The following DMD variants were observed in gnomAD, a reference collection of about 807,000 sequenced individuals.
The protein encoded by DMD is dystrophin.
In DMD, 63 loss-of-function variants were observed where a neutral mutation model predicts 330.1. The observed-to-expected ratio is 0.19, with a 90% CI of 0.16 to 0.24. The LOEUF is 0.24. Ranked by LOEUF, DMD falls within the 10% of genes least tolerant of loss-of-function variation. The pLI is 1.00. For missense variants in DMD, 3,344 were observed against 2,684.1 expected (o/e 1.25, Z -5.43); for synonymous variants, 1,223 against 959.8 (o/e 1.27, Z -5.07).
chrX:32,137,418 C>T (rs1472032613), intron 44 of DMD, among the ~76,000 whole-genome samples: 2 of 111,697 alleles, frequency 1.8e-5, no homozygotes, highest in Non-Finnish European at 3.8e-5. Context: ...GCCAGTACAA[C>T]CTCTGCAAAG....
intron 42 of DMD, among the ~76,000 whole-genome samples, chrX:32,306,104 T>G (rs1447806847): frequency 1.8e-5 from 2 of 110,113 alleles, no homozygotes; most frequent in Admixed American, 9.8e-5. Flanking sequence ...TTACTTATCA[T>G]TTTTCTTTGT....
chrX:32,515,804 C>T (rs1488076315), intron 18 of DMD, among the ~76,000 whole-genome samples: 1 of 111,669 alleles, frequency 9.0e-6, no homozygotes, highest in East Asian at 2.8e-4. Flanking sequence ...ATATTTCTGA[C>T]AAGCTCCCAG....
At chrX:32,774,187 T>A (rs1408009676) in intron 7 of DMD, among the ~76,000 whole-genome samples, 1 of 112,135 alleles carries the variant, frequency 8.9e-6, no homozygotes, top group Non-Finnish European at 1.9e-5. Context: ...AGTTATTCAA[T>A]TTTACTAAAA....
intron 29 of DMD, among the ~76,000 whole-genome samples, chrX:32,425,911 T>C (rs1280793042): frequency 8.9e-6 from 1 of 111,867 alleles, no homozygotes; most frequent in Non-Finnish European, 1.9e-5. Context: ...ATTCCATAAA[T>C]GGTGCTGGGA....
chrX:32,570,527 T>C (rs1306753057), intron 15 of DMD, among the ~76,000 whole-genome samples: 2 of 112,169 alleles, frequency 1.8e-5, no homozygotes, highest in East Asian at 5.6e-4. Flanking sequence ...AATGTTAACA[T>C]AGAGGCACAT....
At chrX:33,012,558 C>G (rs2093721362) in intron 2 of DMD, among the ~76,000 whole-genome samples, 1 of 111,513 alleles carries the variant, frequency 9.0e-6, no homozygotes, top group Non-Finnish European at 1.9e-5. Flanking sequence ...AAAGTACAAA[C>G]AGTTCTCGAC....
intron 67 of DMD, 132 bp from the exon 68 acceptor site, chrX:31,183,036 C>T: frequency 1.7e-6 from 1 of 580,582 alleles, no homozygotes; most frequent in South Asian, 3.2e-5. Context: ...GGTTGCAAAG[C>T]TAGGCTGGCT....
intron 52 of DMD, among the ~76,000 whole-genome samples, chrX:31,715,302 T>C (rs946843691): frequency 9.3e-6 from 1 of 107,916 alleles, no homozygotes; most frequent in Non-Finnish European, 1.9e-5. Flanking sequence ...CCCAGCACTT[T>C]GGGAGGCCGA....
chrX:32,590,934 TATCC>T (rs1024540452), intron 13 of DMD, among the ~76,000 whole-genome samples: 1 of 111,908 alleles, frequency 8.9e-6, no homozygotes, highest in African/African-American at 3.3e-5. Flanking sequence ...TACATCTATC[TATCC>T]ATCCATCCAT....
chrX:31,122,563 A>ATAAT (rs1369094925), intron 78 of DMD, among the ~76,000 whole-genome samples: 1 of 111,386 alleles, frequency 9.0e-6, no homozygotes, highest in South Asian at 3.8e-4. Flanking sequence ...TTGAAAAATA[A>ATAAT]TAATAATAAA....
chrX:32,038,282 G>A (rs2095967571), intron 44 of DMD, among the ~76,000 whole-genome samples: 1 of 111,928 alleles, frequency 8.9e-6, no homozygotes, highest in African/African-American at 3.2e-5. Context: ...CACTAGGTTC[G>A]TCTGGGAAAG....
chrX:33,153,057 G>A (rs779808331), intron 1 of DMD, among the ~76,000 whole-genome samples: 2 of 112,453 alleles, frequency 1.8e-5, no homozygotes, highest in Non-Finnish European at 3.8e-5. Context: ...ACAGACAATT[G>A]ATTCAGACTT....
chrX:33,332,151 A>G (rs1194712130), intron 1 of DMD, among the ~76,000 whole-genome samples: 4 of 111,610 alleles, frequency 3.6e-5, no homozygotes, highest in African/African-American at 1.3e-4. Flanking sequence ...ACATTTTACT[A>G]ATATCTATAT....
intron 53 of DMD, among the ~76,000 whole-genome samples, chrX:31,677,189 T>C (rs2082130332): frequency 1.8e-5 from 2 of 111,589 alleles, no homozygotes; most frequent in South Asian, 7.4e-4. Flanking sequence ...GTTTTCTACT[T>C]TCATATTTCC....
At chrX:32,033,714 A>C (rs187297516) in intron 44 of DMD, among the ~76,000 whole-genome samples, 1 of 111,070 alleles carries the variant, frequency 9.0e-6, no homozygotes, top group East Asian at 2.8e-4. Flanking sequence ...AAGAAAAAGA[A>C]AATGAGAGAG....
chrX:32,256,344 T>A (rs2097298942), intron 43 of DMD, among the ~76,000 whole-genome samples: 1 of 110,340 alleles, frequency 9.1e-6, no homozygotes, highest in South Asian at 3.8e-4. Context: ...ATTTTTTATT[T>A]TTTTGCTTTC....
At chrX:33,084,713 T>C (rs1336290227) in intron 1 of DMD, among the ~76,000 whole-genome samples, 1 of 111,561 alleles carries the variant, frequency 9.0e-6, no homozygotes, top group East Asian at 2.8e-4. Flanking sequence ...GCTGCATGAC[T>C]CCTAAACCAT....
chrX:32,857,660 AG>A (rs1267363316), intron 2 of DMD, among the ~76,000 whole-genome samples: 3 of 112,180 alleles, frequency 2.7e-5, no homozygotes, highest in African/African-American at 9.7e-5. Context: ...TGTCAGACCA[AG>A]AAGTATGTGC....
intron 51 of DMD, among the ~76,000 whole-genome samples, chrX:31,748,949 C>A (rs1461568545): frequency 3.6e-5 from 4 of 110,802 alleles, no homozygotes; most frequent in Non-Finnish European, 7.6e-5. Context: ...ATAATGTAGC[C>A]GAAGCTGGGC....
Sources: gnomAD v4.1 joint callset for allele counts (sites outside exome capture counted in the v4.1 genomes callset) on GRCh38, gnomAD v4.1.1 for gene constraint, MANE v1.5 for transcripts, NCBI Gene and HGNC (gene_info 2026-07-23, HGNC 2026-07-21) for gene names.